LARGE1: variants seen among roughly 807,000 people sequenced by gnomAD.
The protein encoded by LARGE1 is xylosyl- and glucuronyltransferase LARGE1.
In LARGE1, 43 loss-of-function variants were observed where a neutral mutation model predicts 87.6. That is an observed-to-expected ratio of 0.49 (90% confidence interval 0.38 to 0.63). LARGE1 has a LOEUF of 0.63. Ranked by LOEUF, LARGE1 falls within the 30% of genes least tolerant of loss-of-function variation. The pLI is 0.00. For missense variants in LARGE1, 802 were observed against 1,000.2 expected, an observed-to-expected ratio of 0.80 and a Z score of 2.67; for synonymous variants, 434 against 394.6, an observed-to-expected ratio of 1.10 and a Z score of -1.18.
At chr22:33,557,659 G>C (rs1217083050) in intron 6 of LARGE1, among the ~76,000 whole-genome samples, 1 of 152,102 alleles carries the variant, frequency 6.6e-6, no homozygotes, top group Admixed American at 6.6e-5. Flanking sequence ...TCTGCCTCCA[G>C]GGTTCAAGCA....
At chr22:33,331,685 G>A (rs923638471) in intron 10 of LARGE1, among the ~76,000 whole-genome samples, 11 of 152,134 alleles carry the variant, frequency 7.2e-5, no homozygotes, top group Non-Finnish European at 1.3e-4. Context: ...TGGGATTACC[G>A]GCGTGAGCCA....
At chr22:33,498,921 G>C (rs945059580) in intron 6 of LARGE1, among the ~76,000 whole-genome samples, 1 of 152,040 alleles carries the variant, frequency 6.6e-6, no homozygotes, top group African/African-American at 2.4e-5. Context: ...GCAGTGAGCC[G>C]AGATCGCGCC....
At chr22:33,704,167 T>C (rs781224462) in intron 2 of LARGE1, among the ~76,000 whole-genome samples, 4 of 152,214 alleles carry the variant, frequency 2.6e-5, no homozygotes, top group Non-Finnish European at 5.9e-5. Context: ...AATTACTGTA[T>C]AAAACAAAGT....
chr22:33,855,033 G>A lies in LARGE1; in HGVS notation c.-83+64962C>T, dbSNP rs143472129. Among the ~76,000 whole-genome samples, 556 of 152,238 alleles carry A rather than the reference G, an allele frequency of 3.7e-3. 4 individuals carry two copies. The highest frequency in any genetic ancestry group is 0.013 in the African/African-American group (520 of 41,534). On this transcript the variant is annotated intron_variant, in intron 1 of 14. Coordinates refer to ENST00000397394, the MANE Select transcript of LARGE1 (RefSeq NM_133642.5). ...CCCGGGCAGTCATTCTGGAGAAGGT[G>A]GCATATAAAGTGGGCCTTAGGCTGG...
At chr22:33,791,178 C>T (rs760285077) in intron 1 of LARGE1, among the ~76,000 whole-genome samples, 1 of 152,152 alleles carries the variant, frequency 6.6e-6, no homozygotes, top group Non-Finnish European at 1.5e-5. Context: ...ATTAAAATGT[C>T]TTTGTGCTGT....
At chr22:33,373,008 C>A (rs997860236) in intron 9 of LARGE1, among the ~76,000 whole-genome samples, 2 of 152,050 alleles carry the variant, frequency 1.3e-5, no homozygotes, top group African/African-American at 4.8e-5. Context: ...AAATTTTTGT[C>A]TTAAAGTAAA....
At chr22:33,250,609 T>A (rs1164564100) in intron 11 of LARGE1, among the ~76,000 whole-genome samples, 1 of 152,204 alleles carries the variant, frequency 6.6e-6, no homozygotes, top group Non-Finnish European at 1.5e-5. Flanking sequence ...AGCTTTAAAT[T>A]TCTCACCACT....
chr22:33,474,491 T>C (rs1344442609), intron 6 of LARGE1, among the ~76,000 whole-genome samples: 38 of 152,148 alleles, frequency 2.5e-4, no homozygotes, highest in Non-Finnish European at 1.5e-5. Flanking sequence ...GCAATACAAC[T>C]AGACAGGTGC....
chr22:33,074,004 C>T, the LARGE1 span, among the ~76,000 whole-genome samples: 14 of 152,260 alleles, frequency 9.2e-5, no homozygotes, highest in Non-Finnish European at 1.3e-4. Flanking sequence ...CTCCCTTTCC[C>T]CTTAAACTCA....
At chr22:33,529,907 G>A (rs2072110387) in intron 6 of LARGE1, among the ~76,000 whole-genome samples, 1 of 152,168 alleles carries the variant, frequency 6.6e-6, no homozygotes, top group Non-Finnish European at 1.5e-5. Flanking sequence ...ACAGAACCAT[G>A]TGTTTGTGTT....
At chr22:33,394,361 G>A (rs1270016750) in intron 7 of LARGE1, among the ~76,000 whole-genome samples, 3 of 152,144 alleles carry the variant, frequency 2.0e-5, no homozygotes, top group African/African-American at 7.2e-5. Context: ...ACCACACCCA[G>A]CTAATTTTTT....
intron 1 of LARGE1, among the ~76,000 whole-genome samples, chr22:33,828,262 A>T (rs575131911): frequency 8.3e-4 from 126 of 152,334 alleles, no homozygotes; most frequent in African/African-American, 2.9e-3. Context: ...CTGCCTTTGA[A>T]GGGCAGGAAG....
intron 6 of LARGE1, among the ~76,000 whole-genome samples, chr22:33,516,195 AG>A (rs2071295749): frequency 6.6e-6 from 1 of 152,178 alleles, no homozygotes; most frequent in African/African-American, 2.4e-5. Context: ...AGCGAGGGCT[AG>A]GGCTATCTGG....
intron 2 of LARGE1, among the ~76,000 whole-genome samples, chr22:33,689,867 C>A (rs1468798175): frequency 1.3e-5 from 2 of 151,558 alleles, no homozygotes; most frequent in African/African-American, 4.9e-5. Context: ...GCGGAGGTTG[C>A]AGTGAGCTGA....
downstream of LARGE1, among the ~76,000 whole-genome samples, chr22:33,161,850 G>C (rs928855870): frequency 2.0e-5 from 3 of 152,200 alleles, no homozygotes; most frequent in Admixed American, 1.3e-4. Context: ...AGAGGATGAG[G>C]ATCTCTAGGG....
rs564211861 is a variant in LARGE1 at position 33,616,244 on chromosome 22, T to C, written c.491+10000A>G. ...GTGGATGGCCGGGCACTGTGGCTCA[T>C]GCCTGTAATCCCAGCACTTTGGGAG... On this transcript the variant is annotated intron_variant, in intron 4 of 14. Coordinates refer to ENST00000397394, the MANE Select transcript of LARGE1 (RefSeq NM_133642.5). Among the ~76,000 whole-genome samples, 21 of 152,292 alleles carry C rather than the reference T, an allele frequency of 1.4e-4. No homozygotes were observed. The South Asian group carries it at 4.3e-3, about 32-fold the overall frequency.
intron 7 of LARGE1, among the ~76,000 whole-genome samples, chr22:33,391,900 G>A (rs1335476052): frequency 1.3e-5 from 2 of 151,240 alleles, no homozygotes; most frequent in East Asian, 3.9e-4. Context: ...CTCCCGAGTA[G>A]CTGGGATTAT....
intron 12 of LARGE1, among the ~76,000 whole-genome samples, chr22:33,301,550 T>C (rs903199479): frequency 2.6e-5 from 4 of 152,182 alleles, no homozygotes; most frequent in Non-Finnish European, 5.9e-5. Context: ...CCTAGTAACC[T>C]TCCCTGCGTC....
At chr22:33,835,417 A>T (rs2063083858) in intron 1 of LARGE1, among the ~76,000 whole-genome samples, 1 of 152,200 alleles carries the variant, frequency 6.6e-6, no homozygotes, top group South Asian at 2.1e-4. Flanking sequence ...CTAGTTCTAT[A>T]ACCCTCCAAG....
Sources: gnomAD v4.1 joint callset for allele counts (sites outside exome capture counted in the v4.1 genomes callset) on GRCh38, gnomAD v4.1.1 for gene constraint, MANE v1.5 for transcripts, NCBI Gene and HGNC (gene_info 2026-07-23, HGNC 2026-07-21) for gene names.